Variants in CMTM6 observed in about 807,000 individuals in gnomAD.
The protein encoded by CMTM6 is CKLF like MARVEL transmembrane domain containing 6.
Under a neutral mutation model 13.6 loss-of-function variants are expected in CMTM6, and 5 were observed. That is an observed-to-expected ratio of 0.37 (90% CI 0.19 to 0.77). The LOEUF is 0.77. Ranked by LOEUF, CMTM6 falls within the 30% of genes least tolerant of loss-of-function variation. CMTM6 has a pLI of 0.50. For missense variants in CMTM6, 196 were observed against 218.6 expected (o/e 0.90, Z 0.65); for synonymous variants, 99 against 84.5 (o/e 1.17, Z -0.94).
In CMTM6 at chr3:32,488,052, A is replaced by G; in HGVS notation, c.316-16T>C. 6.5e-7 allele frequency: 1 copy of G among 1,531,998 alleles called. No individual in the cohort carries two copies. Among genetic ancestry groups the G allele is most frequent in the Non-Finnish European group, 9.0e-7 (1 of 1,108,410 alleles). The allele number at this position is 1,531,998 out of a possible 1,614,324, so 94.9% of individuals were successfully genotyped here. On this transcript the variant is annotated splice_polypyrimidine_tract_variant and intron_variant, in intron 2 of 3. Transcript: ENST00000205636. ...TATAAAAATCCTATGCATACATACA[A>G]AACACAAAAGGAATACAATACAGTT...
chr3:32,501,831 A>G (rs896458285), intron 1 of CMTM6, among the ~76,000 whole-genome samples: 37 of 152,226 alleles, frequency 2.4e-4, no homozygotes, highest in African/African-American at 8.7e-4. Flanking sequence ...TTCAACCATC[A>G]GTGGTTGGAA....
chr3:32,487,881 A>T lies in CMTM6; in HGVS notation c.414+57T>A, dbSNP rs1697218816. 4 of 1,276,638 alleles carry T rather than the reference A, an allele frequency of 3.1e-6. No individual in the cohort carries two copies. In the East Asian group the frequency reaches 9.5e-5, roughly 30 times the overall value. 79.1% of individuals were successfully genotyped at this position (1,276,638 alleles called of 1,614,324 possible). ...TGTATAACTTGTCAAGTACTCTCCA[A>T]ATTCCATATTTCTAAGGAAACAAAA... On this transcript the variant is annotated intron_variant, in intron 3 of 3. Transcript: ENST00000205636.
At chr3:32,497,820 T>G (rs1343740453) in intron 1 of CMTM6, among the ~76,000 whole-genome samples, 1 of 147,940 alleles carries the variant, frequency 6.8e-6, no homozygotes, top group Admixed American at 6.8e-5. Context: ...ACTGCACCAC[T>G]GCACTCCAGC....
rs929319378 is a variant in CMTM6 at position 32,482,349 on chromosome 3, A to AG, written c.*1610dup. ...CATTCATGCAATTAAAACCCATCTA[A>AG]GACACACAAATGGCAGATGAGAAAA... On this transcript the variant is annotated 3_prime_UTR_variant, in exon 4 of 4. Coordinates refer to ENST00000205636, the MANE Select transcript of CMTM6 (RefSeq NM_017801.3). The AG allele has an allele frequency of 1.3e-5, 2 of 152,034 alleles. No individual in the cohort carries two copies. The allele number at this position is 152,034 out of a possible 1,614,324, so 9.4% of individuals were successfully genotyped here.
At chr3:32,495,872 AGAG>A (rs1240741947) in intron 1 of CMTM6, among the ~76,000 whole-genome samples, 1 of 152,216 alleles carries the variant, frequency 6.6e-6, no homozygotes, top group Non-Finnish European at 1.5e-5. Flanking sequence ...GGACATCTTA[AGAG>A]AATCAAGGAG....
At chr3:32,490,579 T>C (rs1396052562) in intron 2 of CMTM6, among the ~76,000 whole-genome samples, 4 of 152,186 alleles carry the variant, frequency 2.6e-5, no homozygotes, top group African/African-American at 9.7e-5. Flanking sequence ...TAAACCAGTA[T>C]TTACTCTAAA....
chr3:32,495,299 G>T (rs188899667), intron 1 of CMTM6, among the ~76,000 whole-genome samples: 1 of 152,200 alleles, frequency 6.6e-6, no homozygotes, highest in Non-Finnish European at 1.5e-5. Flanking sequence ...GTTAGGTAAG[G>T]CATTCCCAAT....
intron 2 of CMTM6, chr3:32,488,473 G>C (rs1483638920): frequency 6.6e-6 from 1 of 152,108 alleles, no homozygotes; most frequent in African/African-American, 2.4e-5. Context: ...CTAAGCCAAA[G>C]CATTTATTAC....
Position 32,502,776 on chromosome 3 carries a change from G to A in CMTM6, c.-31C>T, listed in dbSNP as rs751243628. 9.3e-6 allele frequency: 13 copies of A among 1,403,570 alleles called. No individual in the cohort carries two copies. In the South Asian group the frequency reaches 1.7e-4, roughly 18 times the overall value. The allele number at this position is 1,403,570 out of a possible 1,614,324, so 86.9% of individuals were successfully genotyped here. A position where few individuals can be genotyped will look rare whatever the true frequency, so the allele number is the denominator to read the frequency against. On this transcript the variant is annotated 5_prime_UTR_variant, in exon 1 of 4. Coordinates refer to ENST00000205636, the MANE Select transcript of CMTM6 (RefSeq NM_017801.3). ...CGGGCCGGGGAGCGCGGCGGCCGCA[G>A]CAACCGCGCCGTTGACTTCTCGGAC...
intron 3 of CMTM6, among the ~76,000 whole-genome samples, chr3:32,487,297 T>C (rs534285236): frequency 6.6e-6 from 1 of 152,166 alleles, no homozygotes; most frequent in African/African-American, 2.4e-5. Flanking sequence ...TGATGAAACT[T>C]TAAGGATATG....
intron 1 of CMTM6, among the ~76,000 whole-genome samples, chr3:32,496,419 C>CA (rs933251419): frequency 1.9e-4 from 27 of 143,530 alleles, no homozygotes; most frequent in East Asian, 1.0e-3. Flanking sequence ...CCATCTCTAC[C>CA]AAAAAAAAAA....
intron 1 of CMTM6, among the ~76,000 whole-genome samples, chr3:32,492,424 TTAGTATATGAGGCTAGAGAGG>T (rs1697257290): frequency 1.3e-5 from 2 of 152,076 alleles, no homozygotes; most frequent in Admixed American, 1.3e-4. Context: ...AGCACAAAAA[TTAGTATATGAGGCTAGAGAGG>T]TAAGCTGAGG....
At chr3:32,490,249 A>C (rs186694758) in intron 2 of CMTM6, among the ~76,000 whole-genome samples, 9 of 152,316 alleles carry the variant, frequency 5.9e-5, no homozygotes, top group African/African-American at 2.2e-4. Context: ...TCTCAAAAAA[A>C]AAAAAAAAGT....
Position 32,491,704 on chromosome 3 carries a change from G to A in CMTM6, c.315+6C>T. The A allele has an allele frequency of 6.3e-7, 1 of 1,585,350 alleles. No individual in the cohort carries two copies. On this transcript the variant is annotated splice_donor_region_variant and intron_variant, in intron 2 of 3. Coordinates refer to ENST00000205636, the MANE Select transcript of CMTM6 (RefSeq NM_017801.3). ...TAATACAGGGATGATATTTTCTCAT[G>A]CTTACCGATGATTTTACTTTTGTGG...
chr3:32,501,374 G>T (rs1006669083), intron 1 of CMTM6, among the ~76,000 whole-genome samples: 6 of 152,114 alleles, frequency 3.9e-5, no homozygotes, highest in Non-Finnish European at 1.5e-5. Context: ...TTATGCAAAG[G>T]AACAGTGGCA....
At chr3:32,494,291 T>C (rs1050677866) in intron 1 of CMTM6, among the ~76,000 whole-genome samples, 37 of 152,132 alleles carry the variant, frequency 2.4e-4, no homozygotes, top group African/African-American at 8.7e-4. Context: ...ATGACCTAAG[T>C]CAGAGGCTAA....
chr3:32,497,857 C>CA (rs5847769), intron 1 of CMTM6, among the ~76,000 whole-genome samples: 148 of 116,798 alleles, frequency 1.3e-3, no homozygotes, highest in Middle Eastern at 4.3e-3. Context: ...GGCTTCGTCT[C>CA]AAAAAAAAAA....
In CMTM6 at chr3:32,486,759, G is replaced by A. The variant is rs185352657; in HGVS notation, c.414+1179C>T. 6.6e-5 allele frequency among the ~76,000 whole-genome samples: 10 copies of A among 152,290 alleles called. No homozygotes were observed. The East Asian group carries it at 1.9e-3, about 29-fold the overall frequency. ...TCAAATTATAATCCCCAATGTTGGG[G>A]GTGGAGCCTAGCTGGAAGTGACAGG... On this transcript the variant is annotated intron_variant, in intron 3 of 3. Transcript: ENST00000205636.
rs1697252499 is a variant in CMTM6, at chr3:32,491,823, G to T, written c.202C>A (p.Leu68Ile). The change falls in exon 2 of 4, where the codon CTT becomes ATT. Residue 68 changes from leucine to isoleucine, a missense_variant. Leu to Ile is a conservative substitution (Grantham distance 5). Coordinates refer to ENST00000205636, the MANE Select transcript of CMTM6 (RefSeq NM_017801.3). Reference sequence around the variant, plus strand: ...CAGCTTACAAACTCAAAAAAATAAAGTCCTCCACATAAAGTACATTGTGAT... The same window carrying T: ...CAGCTTACAAACTCAAAAAAATAAATTCCTCCACATAAAGTACATTGTGAT... The part of the protein sequence containing the change: ...VVSQCTLCGG[L>I]YFFEFVSCSA... 1.9e-6 allele frequency: 3 copies of T among 1,613,792 alleles called. No homozygotes were observed. The highest frequency in any genetic ancestry group is 2.5e-6 in the Non-Finnish European group (3 of 1,179,854).
Sources: gnomAD v4.1 joint callset for allele counts (sites outside exome capture counted in the v4.1 genomes callset) on GRCh38, gnomAD v4.1.1 for gene constraint, MANE v1.5 for transcripts, NCBI Gene and HGNC (gene_info 2026-07-23, HGNC 2026-07-21) for gene names.